Variants in EXT1 observed in about 807,000 individuals in gnomAD.
EXT1 encodes the protein exostosin glycosyltransferase 1, also known as exostosin-1.
A neutral mutation model predicts 82.5 loss-of-function variants in EXT1; 20 were observed. The ratio of observed to expected loss-of-function variants is 0.24; its 90% CI spans 0.17 to 0.35. The LOEUF is 0.35. Among genes scored for constraint, EXT1 ranks in the 10% least tolerant of loss-of-function variants. The pLI, the probability that EXT1 is intolerant of heterozygous loss-of-function variation, is 1.00. For missense variants in EXT1, 757 were observed against 936.5 expected (o/e 0.81, Z 2.50); for synonymous variants, 348 against 350.8 (o/e 0.99, Z 0.09).
chr8:117,912,797 T>C (rs371043991), intron 1 of EXT1, among the ~76,000 whole-genome samples: 1 of 152,238 alleles, frequency 6.6e-6, no homozygotes, highest in Admixed American at 6.5e-5. Flanking sequence ...CCACAATTTA[T>C]GAATTATTTC....
chr8:117,843,131 A>G (rs1812298557), intron 1 of EXT1, among the ~76,000 whole-genome samples: 1 of 152,228 alleles, frequency 6.6e-6, no homozygotes, highest in Non-Finnish European at 1.5e-5. Context: ...AAATAAAAAT[A>G]ATTTATGACT....
At position 117,814,517 on chromosome 8, in the gene EXT1, G is replaced by T. The variant is rs528536874; in HGVS notation, c.1633-1556C>A. On this transcript the variant is annotated intron_variant, in intron 7 of 10. Transcript: ENST00000378204. Reference sequence around the variant, plus strand: ...CAGGGAGGGAAACTGAGATACACAGGTTAAGTATCTTGCCCAAAACGGACC... The same window carrying T: ...CAGGGAGGGAAACTGAGATACACAGTTTAAGTATCTTGCCCAAAACGGACC... Among the ~76,000 whole-genome samples the T allele has an allele frequency of 4.6e-5, 7 of 152,030 alleles. No homozygotes were observed. In the East Asian group the frequency reaches 1.4e-3, roughly 29 times the overall value.
intron 1 of EXT1, among the ~76,000 whole-genome samples, chr8:117,925,732 GA>G (rs1282993640): frequency 0.013 from 1,788 of 134,960 alleles, 28 homozygotes; most frequent in African/African-American, 0.035. Context: ...AAGAAAGAAA[GA>G]AAAAAAAAAA....
intron 1 of EXT1, among the ~76,000 whole-genome samples, chr8:117,989,296 CTATGGT>C (rs1377575669): frequency 1.3e-5 from 2 of 151,714 alleles, no homozygotes; most frequent in Middle Eastern, 3.4e-3. Flanking sequence ...AGCCACATTA[CTATGGT>C]CTGGAGTACA....
At chr8:118,043,816 G>A (rs1816576058) in intron 1 of EXT1, among the ~76,000 whole-genome samples, 1 of 152,224 alleles carries the variant, frequency 6.6e-6, no homozygotes, top group Admixed American at 6.5e-5. Flanking sequence ...CTGGGAGGAG[G>A]AGAGACCAAA....
At chr8:118,020,995 C>T (rs1043677236) in intron 1 of EXT1, among the ~76,000 whole-genome samples, 4 of 152,150 alleles carry the variant, frequency 2.6e-5, no homozygotes, top group Admixed American at 6.5e-5. Context: ...AACTGCTTTA[C>T]ATTTTACAGC....
At chr8:117,864,666 G>A (rs1317824922) in intron 1 of EXT1, among the ~76,000 whole-genome samples, 2 of 151,202 alleles carry the variant, frequency 1.3e-5, no homozygotes, top group East Asian at 2.0e-4. Context: ...GGAGAATGGC[G>A]TGAACCCAGG....
intron 1 of EXT1, among the ~76,000 whole-genome samples, chr8:117,934,259 A>G (rs1586294396): frequency 1.3e-5 from 2 of 152,224 alleles, no homozygotes; most frequent in East Asian, 3.9e-4. Context: ...ATTAAATGAA[A>G]AAAAAAAATG....
chr8:118,026,239 A>G (rs891712775), intron 1 of EXT1, among the ~76,000 whole-genome samples: 10 of 152,198 alleles, frequency 6.6e-5, no homozygotes, highest in Non-Finnish European at 1.3e-4. Context: ...TCTGTCCACA[A>G]TGTAAGGGCT....
chr8:118,061,456 C>G (rs889748921), intron 1 of EXT1, among the ~76,000 whole-genome samples: 12 of 152,182 alleles, frequency 7.9e-5, no homozygotes, highest in African/African-American at 2.7e-4. Flanking sequence ...AGAAAATGTG[C>G]TCATAAAATT....
intron 1 of EXT1, among the ~76,000 whole-genome samples, chr8:117,877,390 A>G (rs1426468878): frequency 6.6e-6 from 1 of 152,224 alleles, no homozygotes; most frequent in African/African-American, 2.4e-5. Flanking sequence ...TTTTCTGGCC[A>G]GATTCTGCAA....
Position 118,071,668 on chromosome 8 carries a change from T to A in EXT1, c.962+38417A>T, listed in dbSNP as rs576162017. ...TTCTTCAGACCCCTCTCCTCTCCCA[T>A]CCTTCTATCCACCCATTCTACAAAT... On this transcript the variant is annotated intron_variant, in intron 1 of 10. Transcript: ENST00000378204. 3.3e-5 allele frequency among the ~76,000 whole-genome samples: 5 copies of A among 152,256 alleles called. No individual in the cohort carries two copies. The East Asian group carries it at 9.7e-4, about 29-fold the overall frequency.
In EXT1 at chr8:117,807,108, C is replaced by G. The variant is rs575134361; in HGVS notation, c.1883+109G>C. 296 of 1,353,824 alleles carry G rather than the reference C, an allele frequency of 2.2e-4. 1 individual carries two copies. The highest frequency in any genetic ancestry group is 2.8e-4 in the Non-Finnish European group (266 of 945,524). The allele number at this position is 1,353,824 out of a possible 1,614,324, so 83.9% of individuals were successfully genotyped here. A position where few individuals can be genotyped will look rare whatever the true frequency, so the allele number is the denominator to read the frequency against. ...AGCAAAACTTAAGCGGGGATACAGA[C>G]TAATTTTCCTCAATGCTGTTAACAA... On this transcript the variant is annotated intron_variant, in intron 9 of 10. Transcript: ENST00000378204.
chr8:118,024,719 G>A (rs1380924666), intron 1 of EXT1, among the ~76,000 whole-genome samples: 2 of 152,176 alleles, frequency 1.3e-5, no homozygotes, highest in East Asian at 1.9e-4. Context: ...AGGCTTGTTT[G>A]AGGAATTAAC....
intron 1 of EXT1, among the ~76,000 whole-genome samples, chr8:118,053,645 C>A (rs1296899779): frequency 6.6e-6 from 1 of 152,106 alleles, no homozygotes; most frequent in Non-Finnish European, 1.5e-5. Context: ...TTTCTTTAAG[C>A]AAATAATCGG....
intron 1 of EXT1, among the ~76,000 whole-genome samples, chr8:118,095,878 C>A (rs1257212440): frequency 6.6e-6 from 1 of 152,184 alleles, no homozygotes; most frequent in Non-Finnish European, 1.5e-5. Context: ...CAGGATTCTA[C>A]AAACTAAACA....
At chr8:117,963,562 C>A (rs1186321750) in intron 1 of EXT1, among the ~76,000 whole-genome samples, 2 of 152,270 alleles carry the variant, frequency 1.3e-5, no homozygotes, top group East Asian at 3.9e-4. Flanking sequence ...AGGATCTCAA[C>A]TCACTGCAAC....
At chr8:117,846,848 T>C (rs542570800) in intron 1 of EXT1, among the ~76,000 whole-genome samples, 10 of 152,150 alleles carry the variant, frequency 6.6e-5, no homozygotes, top group African/African-American at 2.4e-4. Context: ...ACAATCTGAG[T>C]CCCAGGAGGC....
chr8:117,917,041 G>A (rs1186868155), intron 1 of EXT1, among the ~76,000 whole-genome samples: 1 of 152,094 alleles, frequency 6.6e-6, no homozygotes, highest in Non-Finnish European at 1.5e-5. Context: ...TTTCTCTCTA[G>A]ATCTTACCAA....
Sources: allele counts gnomAD v4.1 joint callset (sites outside exome capture counted in the v4.1 genomes callset), GRCh38; gene constraint gnomAD v4.1.1; transcripts MANE v1.5; gene names NCBI Gene and HGNC (gene_info 2026-07-23, HGNC 2026-07-21).